Variants in SOX5 observed in about 807,000 individuals in gnomAD.
SOX5 encodes SRY-box transcription factor 5.
Under a neutral mutation model 92.0 loss-of-function variants are expected in SOX5, and 9 were observed. The observed-to-expected ratio is 0.10, with a 90% confidence interval of 0.06 to 0.17. SOX5 has a LOEUF of 0.17. SOX5 is among the 10% of genes least tolerant of loss of function. The pLI, the probability that SOX5 is intolerant of heterozygous loss-of-function variation, is 1.00. For synonymous variants in SOX5, 344 were observed against 336.3 expected, an observed-to-expected ratio of 1.02 and a Z score of -0.25; for missense variants, 642 against 944.5, an observed-to-expected ratio of 0.68 and a Z score of 4.20.
chr12:24,091,428 A>ATTTTTTTTTTT (rs556198750), intron 4 of SOX5, among the ~76,000 whole-genome samples: 9 of 122,644 alleles, frequency 7.3e-5, no homozygotes, highest in African/African-American at 2.5e-4. Flanking sequence ...AGAGAATGCT[A>ATTTTTTTTTTT]TTTTTTTTTT....
intron 4 of SOX5, among the ~76,000 whole-genome samples, chr12:24,134,208 A>G (rs1443871333): frequency 2.6e-5 from 4 of 152,158 alleles, no homozygotes; most frequent in Non-Finnish European, 5.9e-5. Context: ...AAAATAATAA[A>G]TTTTTAAGGG....
Position 24,209,328 on chromosome 12 carries a change from C to A in SOX5, c.-2+4015G>T, listed in dbSNP as rs116187506. 2.1e-3 allele frequency among the ~76,000 whole-genome samples: 322 copies of A among 152,128 alleles called. 3 individuals are homozygous for A. The highest frequency in any genetic ancestry group is 7.0e-3 in the African/African-American group (292 of 41,506). ...AATATGTGAAGTGGAAGTAGGCATG[C>A]CCTCTCCAAAAAATAATGTCAAAGA... On this transcript the variant is annotated intron_variant, in intron 4 of 4. Transcript: ENST00000446891.
chr12:23,752,788 C>T (rs1195020788), intron 4 of SOX5, among the ~76,000 whole-genome samples: 8 of 151,860 alleles, frequency 5.3e-5, no homozygotes, highest in Non-Finnish European at 1.2e-4. Flanking sequence ...GAAACAAATA[C>T]TTCTTTTGGG....
intron 1 of SOX5, among the ~76,000 whole-genome samples, chr12:23,940,719 A>T (rs1219970263): frequency 6.8e-6 from 1 of 147,274 alleles, no homozygotes; most frequent in East Asian, 2.0e-4. Context: ...AGAGGAAATT[A>T]TTTTATTTAC....
Position 24,060,392 on chromosome 12 carries a change from C to T in SOX5, c.-2+152951G>A, listed in dbSNP as rs1939439256. On this transcript the variant is annotated intron_variant, in intron 4 of 4. Transcript: ENST00000446891. Reference sequence around the variant, plus strand: ...TATACTCTCAACCATGACAACTCTCCTGCAGGTGCATGGGCTTTGGAATCA... The same window carrying T: ...TATACTCTCAACCATGACAACTCTCTTGCAGGTGCATGGGCTTTGGAATCA... Among the ~76,000 whole-genome samples, 2 of 152,324 alleles carry T rather than the reference C, an allele frequency of 1.3e-5. 1 individual carries two copies. Among genetic ancestry groups the T allele is most frequent in the Middle Eastern group, 6.8e-3 (2 of 294 alleles).
At chr12:23,915,069 C>T (rs2097398510) in intron 1 of SOX5, among the ~76,000 whole-genome samples, 1 of 152,094 alleles carries the variant, frequency 6.6e-6, no homozygotes, top group South Asian at 2.1e-4. Flanking sequence ...TATGTTCTTT[C>T]CTACCTCTGT....
At chr12:24,180,346 G>A (rs775159523) in intron 4 of SOX5, among the ~76,000 whole-genome samples, 1 of 152,158 alleles carries the variant, frequency 6.6e-6, no homozygotes, top group Non-Finnish European at 1.5e-5. Flanking sequence ...TCCTACTGAT[G>A]AGATTTCTAG....
In SOX5 at chr12:23,846,101, G is replaced by A. The variant is rs370713247; in HGVS notation, c.363C>T (p.Gly121=). The A allele has an allele frequency of 1.7e-5, 27 of 1,613,906 alleles. No homozygotes were observed. The highest frequency in any genetic ancestry group is 2.0e-5 in the Non-Finnish European group (24 of 1,179,978). ...QKAEEGGRQS[G]ESLSSTALGT... ...CCAGGGCTGTACTAGACAAGGACTC[G>A]CCACTCTGTCGCCCACCTTCTTCTG... The change falls in exon 3 of 15, where the codon GGC becomes GGT. Residue 121 remains glycine (G), a synonymous_variant. Transcript: ENST00000451604.
At chr12:24,127,861 A>C (rs1949262628) in intron 4 of SOX5, among the ~76,000 whole-genome samples, 1 of 152,220 alleles carries the variant, frequency 6.6e-6, no homozygotes. Flanking sequence ...TAATTTGTAT[A>C]TAGGTTGCAC....
At chr12:23,738,759 A>C (rs79998058) in intron 5 of SOX5, among the ~76,000 whole-genome samples, 23 of 152,330 alleles carry the variant, frequency 1.5e-4, no homozygotes, top group African/African-American at 5.5e-4. Flanking sequence ...CAGCCAAGCT[A>C]CATTTTCTGA....
intron 1 of SOX5, among the ~76,000 whole-genome samples, chr12:23,909,947 TG>T (rs2097334020): frequency 6.6e-6 from 1 of 152,048 alleles, no homozygotes; most frequent in Admixed American, 6.6e-5. Context: ...TCTTTTTTTT[TG>T]TTTTTTGTTT....
intron 1 of SOX5, among the ~76,000 whole-genome samples, chr12:23,944,760 A>G (rs1419176775): frequency 3.3e-5 from 5 of 152,128 alleles, no homozygotes; most frequent in Non-Finnish European, 5.9e-5. Flanking sequence ...GTTTTTGTCC[A>G]TTTCTTGTTC....
Position 23,698,322 on chromosome 12 carries a change from T to C in SOX5, c.811-32758A>G, listed in dbSNP as rs149395865. 6.0e-4 allele frequency among the ~76,000 whole-genome samples: 92 copies of C among 152,322 alleles called. No individual in the cohort carries two copies. In the East Asian group the frequency reaches 8.9e-3, roughly 15 times the overall value. The stretch of plus-strand genomic sequence containing the variant: ...AAATTCTGGGACACAATTTCCTTAA[T>C]GAATTTTGTCTGTCTCCTTCTTCCT... On this transcript the variant is annotated intron_variant, in intron 6 of 14. Transcript: ENST00000451604.
intron 1 of SOX5, among the ~76,000 whole-genome samples, chr12:24,466,023 C>T (rs1171658890): frequency 6.6e-6 from 1 of 152,124 alleles, no homozygotes; most frequent in Non-Finnish European, 1.5e-5. Context: ...TCCCACACTG[C>T]AGGAAAGGGT....
At chr12:24,212,414 G>A in intron 4 of SOX5, 1 of 533,394 alleles carries the variant, frequency 1.9e-6, no homozygotes, top group South Asian at 1.4e-5. Context: ...AACTGAAAAA[G>A]CCACTGGTAG....
intron 4 of SOX5, among the ~76,000 whole-genome samples, chr12:24,205,039 T>C (rs1323316340): frequency 1.3e-5 from 2 of 152,198 alleles, no homozygotes; most frequent in African/African-American, 2.4e-5. Flanking sequence ...GATGAAACTA[T>C]ACAGCTTAGC....
intron 3 of SOX5, among the ~76,000 whole-genome samples, chr12:24,273,608 C>T (rs1944049094): frequency 6.6e-6 from 1 of 152,170 alleles, no homozygotes; most frequent in Non-Finnish European, 1.5e-5. Context: ...AGGTTTGAAA[C>T]ATTTATTCAC....
At chr12:24,480,899 G>A (rs564067086) in intron 1 of SOX5, among the ~76,000 whole-genome samples, 16 of 152,008 alleles carry the variant, frequency 1.1e-4, no homozygotes, top group African/African-American at 2.9e-4. Flanking sequence ...GCCATCCCAC[G>A]GCTGGGTATG....
At chr12:24,033,950 T>C (rs2136902237) in intron 4 of SOX5, among the ~76,000 whole-genome samples, 1 of 152,160 alleles carries the variant, frequency 6.6e-6, no homozygotes, top group Non-Finnish European at 1.5e-5. Flanking sequence ...GACAGCGTTT[T>C]TTATAGGTCA....
Sources: gnomAD v4.1 joint callset for allele counts (sites outside exome capture counted in the v4.1 genomes callset) on GRCh38, gnomAD v4.1.1 for gene constraint, MANE v1.5 for transcripts, NCBI Gene and HGNC (gene_info 2026-07-23, HGNC 2026-07-21) for gene names.